EFCC1: variants seen among roughly 807,000 people sequenced by gnomAD.
The protein encoded by EFCC1 is EF-hand and coiled-coil domain-containing protein 1.
EFCC1 carries 50 observed loss-of-function variants against 52.1 expected under a neutral mutation model. The observed-to-expected ratio is 0.96, with a 90% confidence interval of 0.76 to 1.21. EFCC1 has a LOEUF of 1.21. EFCC1 is among the 50% of genes most tolerant of loss of function. EFCC1 has a pLI of 0.00. For synonymous variants in EFCC1, 399 were observed against 396.5 expected, an observed-to-expected ratio of 1.01 and a Z score of -0.08; for missense variants, 837 against 867.3, an observed-to-expected ratio of 0.97 and a Z score of 0.44.
rs1224504903 is a variant in EFCC1, at chr3:129,037,021, G to A, written c.1497G>A (p.Leu499=). The A allele has an allele frequency of 6.2e-7, 1 of 1,613,854 alleles. No individual in the cohort carries two copies. Among genetic ancestry groups the A allele is most frequent in the African/African-American group, 1.3e-5 (1 of 74,930 alleles). Reference sequence around the variant, plus strand: ...TGGAAGAGAATGAGCACCTGAGGCTGGAGCTGCAGATGGTAGAGACCGAGA... The same window carrying A: ...TGGAAGAGAATGAGCACCTGAGGCTAGAGCTGCAGATGGTAGAGACCGAGA... ...QKVEENEHLR[L]ELQMVETERV... Residue 499 remains leucine (L), a synonymous_variant, in exon 6 of 8, where the codon CTG becomes CTA. Coordinates refer to ENST00000683648, the MANE Select transcript of EFCC1 (RefSeq NM_001377500.1).
rs1357752923 is a variant in EFCC1, at chr3:129,014,287, T to A, written c.980+10210T>A. Among the ~76,000 whole-genome samples, 1 of 152,152 alleles carries A rather than the reference T, an allele frequency of 6.6e-6. No individual in the cohort carries two copies. The highest frequency in any genetic ancestry group is 1.5e-5 in the Non-Finnish European group (1 of 68,038). Reference sequence around the variant, plus strand: ...TGGACGAGGGGAGGGTCAGGGAGTGTGAGTCAGCTCGGGCTGCTGTGACAA... The same window carrying A: ...TGGACGAGGGGAGGGTCAGGGAGTGAGAGTCAGCTCGGGCTGCTGTGACAA... On this transcript the variant is annotated intron_variant, in intron 2 of 7. Coordinates refer to ENST00000683648, the MANE Select transcript of EFCC1 (RefSeq NM_001377500.1). This position sits in a 1 kb window ranked among gnomAD's most constrained non-coding sequence, Gnocchi z 4.3.
In EFCC1 at chr3:129,011,503, A is replaced by G. The variant is rs112913238; in HGVS notation, c.980+7426A>G. On this transcript the variant is annotated intron_variant, in intron 2 of 7. Coordinates refer to ENST00000683648, the MANE Select transcript of EFCC1 (RefSeq NM_001377500.1). ...AAGGTGGAGGTTGTAGTGAGCCAAG[A>G]TTGTGCCACTGTACTGCAGCCTGGG... 8.5e-3 allele frequency among the ~76,000 whole-genome samples: 1,286 copies of G among 151,188 alleles called. 19 individuals are homozygous for G. The highest frequency in any genetic ancestry group is 0.029 in the African/African-American group (1,209 of 41,172).
chr3:129,020,897 A>G (rs1156781723), intron 2 of EFCC1, among the ~76,000 whole-genome samples: 1 of 152,182 alleles, frequency 6.6e-6, no homozygotes, highest in Non-Finnish European at 1.5e-5. Context: ...GGCAGCCTCC[A>G]AGTCCAAACC....
Position 129,040,369 on chromosome 3 carries a change from G to A in EFCC1, c.*521G>A, listed in dbSNP as rs1946407379. 6.5e-6 allele frequency: 1 copy of A among 153,408 alleles called. No individual in the cohort carries two copies. The highest frequency in any genetic ancestry group is 2.4e-5 in the African/African-American group (1 of 41,504). The allele number at this position is 153,408 out of a possible 1,614,324, so 9.5% of individuals were successfully genotyped here. ...TAGGAAAGGCTGAGGGAATTCCAAGGAAGGAACAATCACTGTAGGCTCCCT... is the reference window on the plus strand; with the variant it reads ...TAGGAAAGGCTGAGGGAATTCCAAGAAAGGAACAATCACTGTAGGCTCCCT... On this transcript the variant is annotated 3_prime_UTR_variant, in exon 8 of 8. Transcript: ENST00000683648. The surrounding 1 kb of genome is among the most constrained non-coding windows in gnomAD (Gnocchi z 4.4).
At chr3:129,003,166 AGT>A in intron 1 of EFCC1, 1 of 928,142 alleles carries the variant, frequency 1.1e-6, no homozygotes, top group Non-Finnish European at 1.3e-6. Flanking sequence ...TGTGGTTTTC[AGT>A]GTCAGTGTGC....
At chr3:129,036,346 C>T (rs1946353242) in intron 5 of EFCC1, among the ~76,000 whole-genome samples, 2 of 152,266 alleles carry the variant, frequency 1.3e-5, no homozygotes, top group South Asian at 4.1e-4. Context: ...CTCTTTCCCT[C>T]CATTGGTGCC....
At chr3:129,032,152 C>T (rs1946285470) in intron 3 of EFCC1, among the ~76,000 whole-genome samples, 1 of 152,118 alleles carries the variant, frequency 6.6e-6, no homozygotes, top group Non-Finnish European at 1.5e-5. Context: ...CACCCCCTTC[C>T]TCCACACTAC....
chr3:129,027,697 T>C (rs1167374116), intron 2 of EFCC1, among the ~76,000 whole-genome samples: 2 of 152,120 alleles, frequency 1.3e-5, no homozygotes, highest in Non-Finnish European at 2.9e-5. Flanking sequence ...GGTCCACGCC[T>C]GTAATCTCAG....
chr3:129,016,862 A>G (rs1309950503), intron 2 of EFCC1, among the ~76,000 whole-genome samples: 1 of 152,222 alleles, frequency 6.6e-6, no homozygotes, highest in Non-Finnish European at 1.5e-5. Context: ...TGAGTGGTTT[A>G]TCAGTGATGA....
intron 2 of EFCC1, among the ~76,000 whole-genome samples, chr3:129,008,723 T>C (rs1028339334): frequency 1.3e-5 from 2 of 152,030 alleles, no homozygotes; most frequent in Non-Finnish European, 2.9e-5. Flanking sequence ...GCAGGTGAAA[T>C]AGAAGCCTCC....
chr3:129,029,084 G>A (rs967396115), intron 2 of EFCC1, among the ~76,000 whole-genome samples: 10 of 152,096 alleles, frequency 6.6e-5, no homozygotes, highest in South Asian at 4.1e-4. Flanking sequence ...CTCTGCCTGC[G>A]ATTCGAGTTC....
chr3:129,020,598 C>T (rs1446793409), intron 2 of EFCC1, among the ~76,000 whole-genome samples: 1 of 152,154 alleles, frequency 6.6e-6, no homozygotes, highest in South Asian at 2.1e-4. Context: ...GATCACGCCA[C>T]TGCATTCCAG....
In EFCC1 at chr3:129,010,116, G is replaced by GT. The variant is rs1227754959; in HGVS notation, c.980+6040dup. 6.6e-6 allele frequency among the ~76,000 whole-genome samples: 1 copy of GT among 152,240 alleles called. No individual in the cohort carries two copies. The highest frequency in any genetic ancestry group is 1.5e-5 in the Non-Finnish European group (1 of 68,044). On this transcript the variant is annotated intron_variant, in intron 2 of 7. Transcript: ENST00000683648. The surrounding 1 kb of genome is among the most constrained non-coding windows in gnomAD (Gnocchi z 4.3). ...TGTCCTCAAAACTGGAAGAAAGGGC[G>GT]TAACGCCTGGGACTTCAGCACAAGG...
At position 129,005,491 on chromosome 3, in the gene EFCC1, G is replaced by GAACATGA. The variant is rs546645857; in HGVS notation, c.980+1418_980+1424dup. 2.6e-3 allele frequency among the ~76,000 whole-genome samples: 401 copies of GAACATGA among 152,360 alleles called. 1 individual carries two copies. The highest frequency in any genetic ancestry group is 9.4e-3 in the African/African-American group (393 of 41,602). Reference sequence around the variant, plus strand: ...ATTTCAGTTTTTCCCTTAAGAGAAAGAACATGAAACCATGGAAAAGTTTTA... The same window carrying GAACATGA: ...ATTTCAGTTTTTCCCTTAAGAGAAAGAACATGAAACATGAAACCATGGAAAAGTTTTA... On this transcript the variant is annotated intron_variant, in intron 2 of 7. Coordinates refer to ENST00000683648, the MANE Select transcript of EFCC1 (RefSeq NM_001377500.1).
At position 129,040,184 on chromosome 3, in the gene EFCC1, T is replaced by C; in HGVS notation, c.*336T>C. 3.5e-6 allele frequency: 1 copy of C among 283,466 alleles called. No individual in the cohort carries two copies. 17.6% of individuals were successfully genotyped at this position (283,466 alleles called of 1,614,324 possible). ...CAGAGATGCCCACTTTCTGACTGAG[T>C]CTGACCCCAAATCTCTTCCCCAGAG... On this transcript the variant is annotated 3_prime_UTR_variant, in exon 8 of 8. Coordinates refer to ENST00000683648, the MANE Select transcript of EFCC1 (RefSeq NM_001377500.1). This position sits in a 1 kb window ranked among gnomAD's most constrained non-coding sequence, Gnocchi z 4.4.
At chr3:129,021,807 T>A (rs565094973) in intron 2 of EFCC1, among the ~76,000 whole-genome samples, 1 of 152,374 alleles carries the variant, frequency 6.6e-6, no homozygotes, top group East Asian at 1.9e-4. Flanking sequence ...TTTGTGAGTA[T>A]TTACATATTG....
In EFCC1 at chr3:129,010,431, G is replaced by A. The variant is rs184858538; in HGVS notation, c.980+6354G>A. Among the ~76,000 whole-genome samples, 720 of 152,256 alleles carry A rather than the reference G, an allele frequency of 4.7e-3. 3 individuals carry two copies. The highest frequency in any genetic ancestry group is 7.7e-3 in the Non-Finnish European group (527 of 68,008). ...GACAGAGAGCCAGCTCAGCTCAGCCGGAACAGGGAGGAGAGGCCTGGCGGC... is the reference window on the plus strand; with the variant it reads ...GACAGAGAGCCAGCTCAGCTCAGCCAGAACAGGGAGGAGAGGCCTGGCGGC... On this transcript the variant is annotated intron_variant, in intron 2 of 7. Coordinates refer to ENST00000683648, the MANE Select transcript of EFCC1 (RefSeq NM_001377500.1). This position sits in a 1 kb window ranked among gnomAD's most constrained non-coding sequence, Gnocchi z 4.3.
chr3:129,025,261 AG>A (rs1946055072), intron 2 of EFCC1, among the ~76,000 whole-genome samples: 1 of 152,132 alleles, frequency 6.6e-6, no homozygotes. Flanking sequence ...AGGTCCTCAG[AG>A]GGCATCCCAG....
At chr3:129,006,089 C>T (rs1426536244) in intron 2 of EFCC1, among the ~76,000 whole-genome samples, 1 of 152,232 alleles carries the variant, frequency 6.6e-6, no homozygotes, top group Non-Finnish European at 1.5e-5. Context: ...CCCCAGTTTA[C>T]AGATTGTGAG....
Sources: gnomAD v4.1 joint callset for allele counts (sites outside exome capture counted in the v4.1 genomes callset) on GRCh38, gnomAD v4.1.1 for gene constraint, Gnocchi (gnomAD v3.1) non-coding constraint, MANE v1.5 for transcripts, NCBI Gene and HGNC (gene_info 2026-07-23, HGNC 2026-07-21) for gene names.